Variants in PNPLA2 observed in about 807,000 individuals in gnomAD.
The protein encoded by PNPLA2 is patatin-like phospholipase domain-containing protein 2.
A neutral mutation model predicts 39.7 loss-of-function variants in PNPLA2; 28 were observed. The observed-to-expected ratio is 0.70, with a 90% confidence interval of 0.52 to 0.97. The LOEUF (loss-of-function observed/expected upper bound fraction) is 0.97, where lower values mean the gene tolerates loss of function less well. Ranked by LOEUF, PNPLA2 falls within the 50% of genes least tolerant of loss-of-function variation. The pLI is 0.00. For synonymous variants in PNPLA2, 392 were observed against 321.1 expected, an observed-to-expected ratio of 1.22 and a Z score of -2.36; for missense variants, 768 against 698.2, an observed-to-expected ratio of 1.10 and a Z score of -1.13.
At chr11:819,989 C>T (rs1845614430) in intron 2 of PNPLA2, 84 bp downstream of exon 2, 3 of 1,111,932 alleles carry the variant, frequency 2.7e-6, no homozygotes, top group Admixed American at 4.3e-5. Flanking sequence ...GCGGAGGGGC[C>T]CCGCGGCGAG....
chr11:822,520 G>A lies in PNPLA2; in HGVS notation c.610G>A (p.Glu204Lys), dbSNP rs777375239. Residue 204 changes from glutamate to lysine, a missense_variant, in exon 5 of 10, where the codon GAG becomes AAG. Transcript: ENST00000336615. ...CPQDSSTNIH[E>K]LRVTNTSIQF... The stretch of plus-strand genomic sequence containing the variant: ...GCAGGACAGCTCCACCAACATCCAC[G>A]AGCTGCGGGTCACCAACACCAGCAT... 4.3e-6 allele frequency: 7 copies of A among 1,613,958 alleles called. No homozygotes were observed. In the South Asian group the frequency reaches 6.6e-5, roughly 15 times the overall value.
chr11:819,164 G>T (rs1845582871), intron 1 of PNPLA2, among the ~76,000 whole-genome samples: 1 of 152,240 alleles, frequency 6.6e-6, no homozygotes, highest in African/African-American at 2.4e-5. Flanking sequence ...TCAGGTCTGG[G>T]GGTGCTGCCG....
In PNPLA2 at chr11:821,799, G is replaced by A. The variant is rs750269327; in HGVS notation, c.359G>A (p.Arg120His). ...GGGCGCCTGGGCATCTCCCTGACCC[G>A]CGTGTCAGACGGCGAGAATGTCATT... Reference protein sequence around the residue: ...ASGRLGISLTRVSDGENVIIS... With the variant: ...ASGRLGISLTHVSDGENVIIS... Residue 120 changes from arginine to histidine, a missense_variant, in exon 3 of 10, where the codon CGC becomes CAC. Arg to His is a conservative substitution (Grantham distance 29). Transcript: ENST00000336615. 78 of 1,613,848 alleles carry A rather than the reference G, an allele frequency of 4.8e-5. No homozygotes were observed. The highest frequency in any genetic ancestry group is 6.4e-5 in the Non-Finnish European group (75 of 1,180,034).
chr11:824,462 C>T (rs1050273805), intron 9 of PNPLA2, 26 bp downstream of exon 9: 4 of 1,548,396 alleles, frequency 2.6e-6, no homozygotes, highest in Admixed American at 3.9e-5. Flanking sequence ...CGCGTCCACC[C>T]GGGGCCCGCG....
intron 3 of PNPLA2, 35 bp from the exon 4 acceptor site, chr11:821,923 T>C (rs1330509814): frequency 6.2e-7 from 1 of 1,612,488 alleles, no homozygotes. Context: ...TCAAGGCCTC[T>C]GCTCATTCTC....
At position 824,651 on chromosome 11, in the gene PNPLA2, A is replaced by G. The variant is rs763647033; in HGVS notation, c.1304A>G (p.Lys435Arg). ...NNLSLGDALAKWEECQRQLLL... is the reference protein window; with the variant it reads ...NNLSLGDALARWEECQRQLLL... ...CTCTCGCTGGGGGACGCGCTGGCCA[A>G]GTGGGAGGAGTGCCAGCGCCAGCTG... The change falls in exon 10 of 10, where the codon AAG (lysine) becomes AGG (arginine). Residue 435 changes from lysine (K) to arginine (R), a missense_variant. Lys to Arg is a conservative substitution (Grantham distance 26). Coordinates refer to ENST00000336615, the MANE Select transcript of PNPLA2 (RefSeq NM_020376.4). The G allele has an allele frequency of 2.5e-6, 4 of 1,597,052 alleles. No individual in the cohort carries two copies. Among genetic ancestry groups the G allele is most frequent in the African/African-American group, 2.7e-5 (2 of 74,788 alleles).
At position 824,685 on chromosome 11, in the gene PNPLA2, C is replaced by T. The variant is rs1223139118; in HGVS notation, c.1338C>T (p.Gly446=). The T allele has an allele frequency of 1.3e-5, 21 of 1,596,206 alleles. No individual in the cohort carries two copies. The highest frequency in any genetic ancestry group is 2.7e-5 in the African/African-American group (2 of 74,800). Residue 446 remains glycine (G), a synonymous_variant, in exon 10 of 10, where the codon GGC becomes GGT. Coordinates refer to ENST00000336615, the MANE Select transcript of PNPLA2 (RefSeq NM_020376.4). ...AGTGCCAGCGCCAGCTGCTGCTCGG[C>T]CTCTTCTGCACCAACGTGGCCTTCC... is the stretch of plus-strand genomic sequence containing the variant. ...WEECQRQLLL[G]LFCTNVAFPP...
Position 823,682 on chromosome 11 carries a change from C to T in PNPLA2, c.758-12C>T, listed in dbSNP as rs1305972990. 3 of 1,605,124 alleles carry T rather than the reference C, an allele frequency of 1.9e-6. No homozygotes were observed. Among genetic ancestry groups the T allele is most frequent in the South Asian group, 1.1e-5 (1 of 89,716 alleles). On this transcript the variant is annotated splice_polypyrimidine_tract_variant and intron_variant, in intron 6 of 9. Transcript: ENST00000336615. ...CTGATGAACTGAGAATCCCTTCTCT[C>T]CCCAACCCCAGGCCTCCTGAACCGG...
rs1416710721 is a variant in PNPLA2 at position 825,007 on chromosome 11, G to A, written c.*145G>A. On this transcript the variant is annotated 3_prime_UTR_variant, in exon 10 of 10. Coordinates refer to ENST00000336615, the MANE Select transcript of PNPLA2 (RefSeq NM_020376.4). The stretch of plus-strand genomic sequence containing the variant: ...ACCAGCTGCATGCACTGAGAGGGGA[G>A]GTTTCCACACCCCTCCCCTGGGCCG... 5 of 744,560 alleles carry A rather than the reference G, an allele frequency of 6.7e-6. No homozygotes were observed. The highest frequency in any genetic ancestry group is 1.2e-5 in the Non-Finnish European group (5 of 429,706). The allele number at this position is 744,560 out of a possible 1,614,324, so 46.1% of individuals were successfully genotyped here. A position where few individuals can be genotyped will look rare whatever the true frequency, so the allele number is the denominator to read the frequency against.
Position 823,748 on chromosome 11 carries a change from G to T in PNPLA2, c.812G>T (p.Gly271Val). Residue 271 changes from glycine (G) to valine (V), a missense_variant, in exon 7 of 10, where the codon GGC (glycine) becomes GTC (valine). Coordinates refer to ENST00000336615, the MANE Select transcript of PNPLA2 (RefSeq NM_020376.4). Reference protein sequence around the residue: ...LLALPPARPHGPEDKDQAVES... With the variant: ...LLALPPARPHVPEDKDQAVES... The stretch of plus-strand genomic sequence containing the variant: ...GCGTTGCCCCCCGCCCGCCCCCACG[G>T]CCCAGAGGACAAGGACCAGGCAGTG... 6.2e-7 allele frequency: 1 copy of T among 1,602,618 alleles called. No individual in the cohort carries two copies. Among genetic ancestry groups the T allele is most frequent in the South Asian group, 1.1e-5 (1 of 90,278 alleles).
Position 821,710 on chromosome 11 carries a change from G to A in PNPLA2, c.270G>A (p.Leu90=). The A allele has an allele frequency of 6.2e-7, 1 of 1,613,970 alleles. No individual in the cohort carries two copies. The highest frequency in any genetic ancestry group is 1.6e-4 in the Middle Eastern group (1 of 6,062). ...GCCCCCTGCACCCCTCCTTCAACCTGGTAAAGATCATCCGCAGTTTCCTGC... is the reference window on the plus strand; with the variant it reads ...GCCCCCTGCACCCCTCCTTCAACCTAGTAAAGATCATCCGCAGTTTCCTGC... ...FLGPLHPSFN[L]VKIIRSFLLK... is the part of the protein sequence containing the mutation. Residue 90 remains leucine, a synonymous_variant, in exon 3 of 10, where the codon CTG becomes CTA. Transcript: ENST00000336615.
Position 819,807 on chromosome 11 carries a change from G to T in PNPLA2, c.89G>T (p.Arg30Leu). ...VYYVGVASCL[R>L]EHAPFLVANA... ...TACGTCGGCGTGGCCTCCTGCCTCC[G>T]CGAGCACGCGCCCTTCCTGGTGGCC... is the stretch of plus-strand genomic sequence containing the variant. The change falls in exon 2 of 10, where the codon CGC becomes CTC. Residue 30 changes from arginine to leucine, a missense_variant. Physicochemically the swap from Arg to Leu is moderately radical, Grantham distance 102 (BLOSUM62 -2). Transcript: ENST00000336615. The T allele has an allele frequency of 6.7e-7, 1 of 1,502,852 alleles. No individual in the cohort carries two copies. The highest frequency in any genetic ancestry group is 8.9e-7 in the Non-Finnish European group (1 of 1,126,462). The allele number at this position is 1,502,852 out of a possible 1,614,324, so 93.1% of individuals were successfully genotyped here. A position where few individuals can be genotyped will look rare whatever the true frequency, so the allele number is the denominator to read the frequency against.
chr11:823,723 G>T lies in PNPLA2; in HGVS notation c.787G>T (p.Ala263Ser), dbSNP rs569211679. ...GLLNRPNPLL[A>S]LPPARPHGPE... ...CCTGAACCGGCCCAACCCCTTGCTGGCGTTGCCCCCCGCCCGCCCCCACGG... is the reference window on the plus strand; with the variant it reads ...CCTGAACCGGCCCAACCCCTTGCTGTCGTTGCCCCCCGCCCGCCCCCACGG... Residue 263 changes from alanine (A) to serine (S), a missense_variant, in exon 7 of 10, where the codon GCG (alanine) becomes TCG (serine). Coordinates refer to ENST00000336615, the MANE Select transcript of PNPLA2 (RefSeq NM_020376.4). 21 of 1,608,158 alleles carry T rather than the reference G, an allele frequency of 1.3e-5. No homozygotes were observed. The African/African-American group carries it at 2.7e-4, about 20-fold the overall frequency.
In PNPLA2 at chr11:824,403, C is replaced by G; in HGVS notation, c.1142C>G (p.Ala381Gly). ...GSICQYLVMR[A>G]KRKLGRHLPS... ...ATCTGCCAGTACCTGGTGATGCGCG[C>G]CAAGAGGAAGCTGGGCAGGCACCTG... is the stretch of plus-strand genomic sequence containing the variant. Residue 381 changes from alanine to glycine, a missense_variant, in exon 9 of 10, where the codon GCC (alanine) becomes GGC (glycine). Ala to Gly is a moderately conservative substitution (Grantham distance 60, BLOSUM62 0). Transcript: ENST00000336615. 1 of 1,554,574 alleles carries G rather than the reference C, an allele frequency of 6.4e-7. No homozygotes were observed. The highest frequency in any genetic ancestry group is 8.7e-7 in the Non-Finnish European group (1 of 1,149,468).
chr11:824,436 G>GAGAGGCTT lies in PNPLA2; in HGVS notation c.1175_1175+1insAGAGGCTT (p.Leu393GlufsTer99), dbSNP rs1845800067. Reference sequence around the variant, plus strand: ...AAGCTGGGCAGGCACCTGCCCTCCAGGTGAGCCGCCGACCGCGCGTCCACC... The same window carrying GAGAGGCTT: ...AAGCTGGGCAGGCACCTGCCCTCCAGAGAGGCTTGTGAGCCGCCGACCGCGCGTCCACC... On this transcript the variant is annotated frameshift_variant and splice_region_variant. Transcript: ENST00000336615. LOFTEE classifies it high-confidence loss of function. 6.4e-7 allele frequency: 1 copy of GAGAGGCTT among 1,554,138 alleles called. No individual in the cohort carries two copies. Among genetic ancestry groups the GAGAGGCTT allele is most frequent in the African/African-American group, 1.4e-5 (1 of 73,366 alleles).
Position 824,748 on chromosome 11 carries a change from G to A in PNPLA2, c.1401G>A (p.Pro467=), listed in dbSNP as rs919716900. 1.9e-6 allele frequency: 3 copies of A among 1,572,502 alleles called. No individual in the cohort carries two copies. The highest frequency in any genetic ancestry group is 2.6e-6 in the Non-Finnish European group (3 of 1,166,972). ...EALRMRAPAD[P]APAPADPASP... Reference sequence around the variant, plus strand: ...TGCGCATGCGCGCACCCGCCGACCCGGCTCCCGCCCCCGCGGACCCAGCAT... The same window carrying A: ...TGCGCATGCGCGCACCCGCCGACCCAGCTCCCGCCCCCGCGGACCCAGCAT... Residue 467 remains proline, a synonymous_variant, in exon 10 of 10, where the codon CCG becomes CCA. Coordinates refer to ENST00000336615, the MANE Select transcript of PNPLA2 (RefSeq NM_020376.4).
At chr11:819,549 C>G in intron 1 of PNPLA2, 25 bp from the exon 2 acceptor site, 6 of 1,290,386 alleles carry the variant, frequency 4.6e-6, no homozygotes, top group Non-Finnish European at 5.9e-6. Context: ...CACTTAAAAG[C>G]GCCGCCTCCG....
intron 5 of PNPLA2, 124 bp downstream of exon 5, chr11:822,730 G>C: frequency 1.2e-6 from 1 of 810,004 alleles, no homozygotes; most frequent in Non-Finnish European, 2.1e-6. Context: ...CTGAGGGCTG[G>C]GGAAAGCGCA....
At chr11:821,509 A>G in intron 2 of PNPLA2, 119 bp from the exon 3 acceptor site, 1 of 770,688 alleles carries the variant, frequency 1.3e-6, no homozygotes, top group Non-Finnish European at 2.2e-6. Context: ...CAGGCCCCAC[A>G]TTCACTGGGC....
Sources: allele counts gnomAD v4.1 joint callset (sites outside exome capture counted in the v4.1 genomes callset), GRCh38; gene constraint gnomAD v4.1.1; transcripts MANE v1.5; gene names NCBI Gene and HGNC (gene_info 2026-07-23, HGNC 2026-07-21).